The following WNK1 variants were observed in gnomAD, a reference collection of about 807,000 sequenced individuals.
WNK1 encodes WNK lysine deficient protein kinase 1.
WNK1 carries 38 observed loss-of-function variants against 222.8 expected under a neutral mutation model. That is an observed-to-expected ratio of 0.17 (90% confidence interval 0.13 to 0.22). The LOEUF is 0.22. Ranked by LOEUF, WNK1 falls within the 10% of genes least tolerant of loss-of-function variation. The probability of loss-of-function intolerance (pLI) is 1.00; values close to 1 mark genes in which losing one functional copy is unlikely to be tolerated. For synonymous variants in WNK1, 1,090 were observed against 1,092.9 expected (o/e 1.00, Z 0.05); for missense variants, 2,348 against 2,918.4 (o/e 0.80, Z 4.50).
intron 22 of WNK1, among the ~76,000 whole-genome samples, chr12:893,546 G>C (rs1345570206): frequency 1.7e-4 from 26 of 152,162 alleles, no homozygotes; most frequent in Non-Finnish European, 1.5e-5. Context: ...TCTGAGGGCT[G>C]GGTGCAGTGG....
At chr12:776,396 G>C (rs924723549) in intron 1 of WNK1, among the ~76,000 whole-genome samples, 1 of 113,932 alleles carries the variant, frequency 8.8e-6, no homozygotes, top group African/African-American at 3.5e-5. Context: ...TCAGATCTCT[G>C]TGTGTGTTTG....
Position 908,815 on chromosome 12 carries a change from G to A in WNK1, c.*23G>A. The A allele has an allele frequency of 8.0e-7, 1 of 1,247,040 alleles. No individual in the cohort carries two copies. Among genetic ancestry groups the A allele is most frequent in the Non-Finnish European group, 1.1e-6 (1 of 916,868 alleles). The allele number at this position is 1,247,040 out of a possible 1,614,324, so 77.2% of individuals were successfully genotyped here. ...TAGACCTAGAGACATTAACTGAATA[G>A]ATCTGGGGGCAGGAGATGGAATGCT... On this transcript the variant is annotated 3_prime_UTR_variant, in exon 28 of 28. Transcript: ENST00000315939.
At chr12:883,985 G>A (rs976875206) in intron 17 of WNK1, 136 bp from the exon 18 acceptor site, 19 of 1,483,386 alleles carry the variant, frequency 1.3e-5, no homozygotes, top group East Asian at 7.1e-5. Context: ...CTGAGATCGC[G>A]CCACTGCACT....
intron 2 of WNK1, among the ~76,000 whole-genome samples, chr12:823,002 A>C (rs1011898334): frequency 2.5e-4 from 38 of 152,020 alleles, no homozygotes; most frequent in East Asian, 1.9e-4. Context: ...TTTCTCTTTC[A>C]TTTCTGCAGT....
At chr12:902,025 C>T (rs1415092554) in intron 26 of WNK1, among the ~76,000 whole-genome samples, 3 of 151,620 alleles carry the variant, frequency 2.0e-5, no homozygotes, top group Non-Finnish European at 2.9e-5. Context: ...CAGCCAGACA[C>T]GGTGGCGTAC....
chr12:770,466 A>C (rs910527717), intron 1 of WNK1, among the ~76,000 whole-genome samples: 1 of 152,208 alleles, frequency 6.6e-6, no homozygotes, highest in African/African-American at 2.4e-5. Flanking sequence ...TAAATATATT[A>C]ATCTGTTTCT....
At chr12:873,560 A>C (rs1274462892) in intron 9 of WNK1, among the ~76,000 whole-genome samples, 1 of 152,200 alleles carries the variant, frequency 6.6e-6, no homozygotes, top group Non-Finnish European at 1.5e-5. Flanking sequence ...TTAGATAATA[A>C]GGGAGCTACA....
intron 9 of WNK1, 45 bp downstream of exon 9, chr12:871,393 G>A (rs1952133191): frequency 1.3e-6 from 2 of 1,585,142 alleles, no homozygotes; most frequent in East Asian, 4.5e-5. Flanking sequence ...GCAGTGGCCA[G>A]AACACTATTT....
intron 4 of WNK1, 143 bp from the exon 5 acceptor site, chr12:857,018 C>T: frequency 1.3e-6 from 1 of 793,512 alleles, no homozygotes; most frequent in East Asian, 2.7e-5. Context: ...AACTGTGACA[C>T]TGCATGGACC....
intron 4 of WNK1, among the ~76,000 whole-genome samples, chr12:846,846 T>C (rs1202385852): frequency 6.6e-6 from 1 of 152,176 alleles, no homozygotes; most frequent in African/African-American, 2.4e-5. Context: ...CCTGATTAGA[T>C]GGTGTTTAAA....
chr12:780,347 A>G (rs1943570702), intron 1 of WNK1, among the ~76,000 whole-genome samples: 2 of 152,218 alleles, frequency 1.3e-5, no homozygotes, highest in South Asian at 4.1e-4. Flanking sequence ...ATATGGTCTG[A>G]TTTAACTTTA....
intron 2 of WNK1, among the ~76,000 whole-genome samples, chr12:826,736 A>G (rs1372520108): frequency 6.6e-6 from 1 of 152,214 alleles, no homozygotes; most frequent in Non-Finnish European, 1.5e-5. Context: ...TTGGCTCTGA[A>G]ATATTTAGCT....
At chr12:772,396 A>T (rs1028648495) in intron 1 of WNK1, among the ~76,000 whole-genome samples, 1 of 147,970 alleles carries the variant, frequency 6.8e-6, no homozygotes, top group Admixed American at 6.8e-5. Flanking sequence ...CACAGTAATC[A>T]TAATTGGGGT....
chr12:890,383 A>G, intron 21 of WNK1, 70 bp from the exon 22 acceptor site: 2 of 1,545,716 alleles, frequency 1.3e-6, no homozygotes, highest in South Asian at 2.2e-5. Context: ...ACCATAGGAA[A>G]GGCAACGAGG....
chr12:781,980 C>A (rs930084565), intron 1 of WNK1, among the ~76,000 whole-genome samples: 7 of 152,124 alleles, frequency 4.6e-5, no homozygotes, highest in African/African-American at 1.7e-4. Flanking sequence ...TTGTGTGAAT[C>A]TGGATATCCT....
At chr12:769,888 ACT>A (rs1565402719) in intron 1 of WNK1, among the ~76,000 whole-genome samples, 1 of 151,498 alleles carries the variant, frequency 6.6e-6, no homozygotes, top group African/African-American at 2.4e-5. Context: ...GTGTGAACCC[ACT>A]CTCAAAAGCC....
chr12:849,742 G>A (rs200139818), intron 4 of WNK1, among the ~76,000 whole-genome samples: 6 of 140,214 alleles, frequency 4.3e-5, no homozygotes, highest in South Asian at 2.7e-4. Flanking sequence ...AACAGGCCCC[G>A]GTGTGTGATG....
intron 1 of WNK1, among the ~76,000 whole-genome samples, chr12:767,345 C>T (rs150198524): frequency 2.8e-5 from 4 of 141,720 alleles, no homozygotes; most frequent in Admixed American, 7.7e-5. Context: ...CTACGCCTCC[C>T]GGATTCAAGC....
In WNK1 at chr12:860,955, TG is replaced by T. The variant is rs1408293149; in HGVS notation, c.1621-52del. On this transcript the variant is annotated intron_variant, in intron 6 of 27. Transcript: ENST00000315939. ...TTTTTTTTTTGGCGGGGGGTGGTGG[TG>T]GGGGGTGTTGTTTTCTTTCAATATA... is the stretch of plus-strand genomic sequence containing the variant. The T allele has an allele frequency of 2.5e-5, 31 of 1,264,144 alleles. No individual in the cohort carries two copies. The African/African-American group carries it at 3.2e-4, about 13-fold the overall frequency. 78.3% of individuals were successfully genotyped at this position (1,264,144 alleles called of 1,614,324 possible).
Sources: allele counts gnomAD v4.1 joint callset (sites outside exome capture counted in the v4.1 genomes callset), GRCh38; gene constraint gnomAD v4.1.1; transcripts MANE v1.5; gene names NCBI Gene and HGNC (gene_info 2026-07-23, HGNC 2026-07-21).